CDH11: variants seen among roughly 807,000 people sequenced by gnomAD.
The protein encoded by CDH11 is cadherin 11.
In CDH11, 11 loss-of-function variants were observed where a neutral mutation model predicts 67.8. The observed-to-expected ratio is 0.16, with a 90% CI of 0.10 to 0.27. CDH11 has a LOEUF of 0.27. Ranked by LOEUF, CDH11 falls within the 10% of genes least tolerant of loss-of-function variation. The pLI, the probability that CDH11 is intolerant of heterozygous loss-of-function variation, is 1.00. For synonymous variants in CDH11, 419 were observed against 400.0 expected, an observed-to-expected ratio of 1.05 and a Z score of -0.57; for missense variants, 847 against 1,031.2, an observed-to-expected ratio of 0.82 and a Z score of 2.45.
At position 64,945,547 on chromosome 16, in the gene CDH11, C is replaced by T; in HGVS notation, c.*2056G>A. ...TTGCAAATTCAATTGGAGATCTGTGCAAATCTAGCAAAATATTCTTTGGAT... is the reference window on the plus strand; with the variant it reads ...TTGCAAATTCAATTGGAGATCTGTGTAAATCTAGCAAAATATTCTTTGGAT... On this transcript the variant is annotated 3_prime_UTR_variant, in exon 13 of 13. Coordinates refer to ENST00000268603, the MANE Select transcript of CDH11 (RefSeq NM_001797.4). 4 of 1,029,698 alleles carry T rather than the reference C, an allele frequency of 3.9e-6. No individual in the cohort carries two copies. In the South Asian group the frequency reaches 1.8e-4, roughly 48 times the overall value. The allele number at this position is 1,029,698 out of a possible 1,614,324, so 63.8% of individuals were successfully genotyped here. A position where few individuals can be genotyped will look rare whatever the true frequency, so the allele number is the denominator to read the frequency against.
intron 1 of CDH11, among the ~76,000 whole-genome samples, chr16:65,108,833 C>T (rs1361238537): frequency 3.9e-5 from 6 of 152,040 alleles, no homozygotes; most frequent in Non-Finnish European, 7.4e-5. Flanking sequence ...TCATAGTGAC[C>T]AGGCAGGGAT....
upstream of CDH11, chr16:65,122,128 G>GGGT: frequency 2.0e-6 from 1 of 503,890 alleles, no homozygotes; most frequent in South Asian, 2.2e-5. Flanking sequence ...GGGCAGGCGG[G>GGGT]TGCGGGGCGG....
intron 3 of CDH11, among the ~76,000 whole-genome samples, chr16:65,002,505 G>A (rs886170272): frequency 1.3e-5 from 2 of 152,128 alleles, no homozygotes; most frequent in Admixed American, 1.3e-4. Context: ...AATTCCATAT[G>A]CCAATTATTT....
chr16:64,972,937 A>G lies in CDH11; in HGVS notation c.1357T>C (p.Trp453Arg), dbSNP rs147321574. The G allele has an allele frequency of 4.5e-5, 72 of 1,613,948 alleles. No homozygotes were observed. In the East Asian group the frequency reaches 1.6e-3, roughly 36 times the overall value. Residue 453 changes from tryptophan (W) to arginine (R), a missense_variant, in exon 9 of 13, where the codon TGG (tryptophan) becomes CGG (arginine). Physicochemically the swap from Trp to Arg is moderately radical, Grantham distance 101. Transcript: ENST00000268603. ...GCTGCAAAGACAGTGATGTTGAGCC[A>G]GGCTGTTTCCTCTCTATCCAGAGGT... ...TKPLDREETAWLNITVFAAEI... is the reference protein window; with the variant it reads ...TKPLDREETARLNITVFAAEI...
intron 2 of CDH11, among the ~76,000 whole-genome samples, chr16:65,032,046 C>T (rs949543729): frequency 6.6e-6 from 1 of 151,964 alleles, no homozygotes; most frequent in Non-Finnish European, 1.5e-5. Flanking sequence ...GTCCCATCAT[C>T]GAGAGTGAAT....
intron 2 of CDH11, among the ~76,000 whole-genome samples, chr16:65,039,902 T>C (rs971506823): frequency 6.6e-5 from 10 of 152,158 alleles, no homozygotes; most frequent in African/African-American, 2.4e-4. Flanking sequence ...GGGCGAAGGA[T>C]ATGAACAGAC....
chr16:65,120,154 AC>A (rs1208391056), intron 1 of CDH11, among the ~76,000 whole-genome samples: 7 of 152,180 alleles, frequency 4.6e-5, no homozygotes, highest in Non-Finnish European at 1.0e-4. Flanking sequence ...GTCTGCACCT[AC>A]GTATTTGTAG....
At chr16:65,109,635 G>A (rs1474944725) in intron 1 of CDH11, among the ~76,000 whole-genome samples, 1 of 152,166 alleles carries the variant, frequency 6.6e-6, no homozygotes, top group African/African-American at 2.4e-5. Context: ...GAGTTCCTAT[G>A]TATTCCAGCT....
intron 2 of CDH11, among the ~76,000 whole-genome samples, chr16:65,011,514 T>G (rs964268792): frequency 1.3e-5 from 2 of 152,190 alleles, no homozygotes; most frequent in Non-Finnish European, 2.9e-5. Context: ...GACCTAAAAC[T>G]TGTATAGTCA....
At chr16:65,108,220 T>G (rs1390005557) in intron 1 of CDH11, among the ~76,000 whole-genome samples, 1 of 152,148 alleles carries the variant, frequency 6.6e-6, no homozygotes, top group Non-Finnish European at 1.5e-5. Context: ...TTCAAAGATG[T>G]GACTTCTCAG....
intron 1 of CDH11, among the ~76,000 whole-genome samples, chr16:65,120,501 G>A (rs537945918): frequency 1.3e-5 from 2 of 152,262 alleles, no homozygotes; most frequent in South Asian, 4.1e-4. Flanking sequence ...AGATTTCAGA[G>A]CGATCGTAGC....
chr16:65,122,276 G>A (rs898933434), upstream of CDH11: 13 of 394,954 alleles, frequency 3.3e-5, no homozygotes, highest in African/African-American at 2.9e-4. Flanking sequence ...CTCCCCCCAG[G>A]GGCCCAGAGA....
intron 1 of CDH11, among the ~76,000 whole-genome samples, chr16:65,093,503 C>T (rs77051217): frequency 0.024 from 3,592 of 151,996 alleles, 57 homozygotes; most frequent in Non-Finnish European, 0.036. Context: ...GGTACACTTC[C>T]CAAAACCCAC....
rs1259074516 is a variant in CDH11 at position 65,121,834 on chromosome 16, A to ATCTC, written c.-298+45_-298+46insGAGA. ...TGAGAAAATCCTGCCCCCCATTCCA[A>ATCTC]GAAGCCCCAACCAGGCGAGAGGAAG... On this transcript the variant is annotated intron_variant, in intron 1 of 12. Transcript: ENST00000268603. This position sits in a 1 kb window ranked among gnomAD's most constrained non-coding sequence, Gnocchi z 4.1. 3 of 701,592 alleles carry ATCTC rather than the reference A, an allele frequency of 4.3e-6. No individual in the cohort carries two copies. Among genetic ancestry groups the ATCTC allele is most frequent in the Non-Finnish European group, 7.8e-6 (3 of 384,486 alleles). 43.5% of individuals were successfully genotyped at this position (701,592 alleles called of 1,614,324 possible).
intron 3 of CDH11, among the ~76,000 whole-genome samples, 166 bp downstream of exon 3, chr16:65,004,476 G>A (rs1597080884): frequency 6.6e-6 from 1 of 152,290 alleles, no homozygotes; most frequent in East Asian, 1.9e-4. Context: ...TTTTTTAAAA[G>A]TCTGGAATAA....
chr16:65,048,036 C>T (rs554079890), intron 2 of CDH11, among the ~76,000 whole-genome samples: 7 of 152,324 alleles, frequency 4.6e-5, no homozygotes, highest in South Asian at 2.1e-4. Context: ...AGCAACAGTA[C>T]GGTTCCATTG....
intron 4 of CDH11, among the ~76,000 whole-genome samples, chr16:64,993,448 CAG>C (rs1190107401): frequency 6.6e-6 from 1 of 152,076 alleles, no homozygotes; most frequent in East Asian, 1.9e-4. Context: ...CAGGAAAGGA[CAG>C]AGTGCAATCT....
chr16:65,088,350 T>C (rs934387856), intron 1 of CDH11, among the ~76,000 whole-genome samples: 87 of 152,214 alleles, frequency 5.7e-4, no homozygotes, highest in Admixed American at 2.0e-4. Flanking sequence ...GAATAATGAA[T>C]GGATAATCCT....
At chr16:65,068,129 G>T (rs2074350813) in intron 1 of CDH11, among the ~76,000 whole-genome samples, 1 of 144,278 alleles carries the variant, frequency 6.9e-6, no homozygotes, top group Non-Finnish European at 1.5e-5. Context: ...GAGGGAGGGA[G>T]GGGGCAGGGA....
Sources: gnomAD v4.1 joint callset for allele counts (sites outside exome capture counted in the v4.1 genomes callset) on GRCh38, gnomAD v4.1.1 for gene constraint, Gnocchi (gnomAD v3.1) non-coding constraint, MANE v1.5 for transcripts, NCBI Gene and HGNC (gene_info 2026-07-23, HGNC 2026-07-21) for gene names.